Variants in UTP20 observed in about 807,000 individuals in gnomAD.
UTP20 encodes UTP20 small subunit processome component.
Under a neutral mutation model 329.5 loss-of-function variants are expected in UTP20, and 164 were observed. The observed-to-expected ratio is 0.50, with a 90% confidence interval of 0.44 to 0.57. The LOEUF (loss-of-function observed/expected upper bound fraction) is 0.57, where lower values mean the gene tolerates loss of function less well. UTP20 is among the 20% of genes least tolerant of loss of function. The probability of loss-of-function intolerance (pLI) is 0.00; values close to 1 mark genes in which losing one functional copy is unlikely to be tolerated. For synonymous variants in UTP20, 1,151 were observed against 1,159.3 expected (o/e 0.99, Z 0.14); for missense variants, 3,055 against 3,284.2 (o/e 0.93, Z 1.71).
intron 54 of UTP20, 21 bp from the exon 55 acceptor site, chr12:101,374,787 C>A (rs1404920023): frequency 1.1e-6 from 1 of 908,668 alleles, no homozygotes; most frequent in Non-Finnish European, 1.9e-6. Flanking sequence ...TTGACATTGT[C>A]TTGTGGTTTA....
chr12:101,308,491 T>C (rs1872696191), intron 18 of UTP20, 148 bp downstream of exon 18: 1 of 452,830 alleles, frequency 2.2e-6, no homozygotes, highest in Non-Finnish European at 3.0e-6. Flanking sequence ...TCTTAGATGC[T>C]TTGAGTTAAA....
intron 43 of UTP20, among the ~76,000 whole-genome samples, chr12:101,359,475 GTGTGTGTGTGTATGTA>G (rs1051716857): frequency 1.4e-5 from 2 of 140,610 alleles, no homozygotes; most frequent in African/African-American, 6.1e-5. Flanking sequence ...CTGTGTGTGT[GTGTGTGTGTGTATGTA>G]TGTGTGTGTG....
chr12:101,293,054 T>C (rs1168386343), intron 10 of UTP20, 114 bp from the exon 11 acceptor site: 3 of 1,035,360 alleles, frequency 2.9e-6, no homozygotes, highest in Non-Finnish European at 4.3e-6. Flanking sequence ...GCCGGGCAAC[T>C]GGACAGAGCA....
Position 101,363,743 on chromosome 12 carries a change from G to C in UTP20, c.5958G>C (p.Glu1986Asp), listed in dbSNP as rs1209694154. The change falls in exon 45 of 62, where the codon GAG becomes GAC. Residue 1986 changes from glutamate to aspartate, a missense_variant and splice_region_variant. By Grantham distance (45) the Glu-to-Asp change is conservative. This residue lies in a region of UTP20 where 2,445 missense variants were observed against 2,575.5 expected (regional missense o/e 0.95). Transcript: ENST00000261637. ...QVTKLILPLK[E>D]ILQNTTSLKL... is the part of the protein sequence containing the mutation. ...CAAAACTCATCCTTCCATTAAAAGA[G>C]GTAAGGACGTAAATGCAATTCTGGA... 2 of 1,587,956 alleles carry C rather than the reference G, an allele frequency of 1.3e-6. No homozygotes were observed. The highest frequency in any genetic ancestry group is 1.3e-5 in the African/African-American group (1 of 74,464).
chr12:101,300,656 G>A (rs1233745196), intron 14 of UTP20, among the ~76,000 whole-genome samples: 2 of 152,084 alleles, frequency 1.3e-5, no homozygotes, highest in East Asian at 1.9e-4. Context: ...GTCTGCAAAC[G>A]GCAATTCAAA....
chr12:101,354,883 G>T lies in UTP20; in HGVS notation c.5159G>T (p.Arg1720Leu), dbSNP rs756143997. 6.2e-7 allele frequency: 1 copy of T among 1,614,192 alleles called. No homozygotes were observed. The highest frequency in any genetic ancestry group is 8.5e-7 in the Non-Finnish European group (1 of 1,180,032). Reference sequence around the variant, plus strand: ...GAGCCTGAGGCCATGGAATTAGAGCGTGTGGATGAGGAAGAGAAGGAATAT... The same window carrying T: ...GAGCCTGAGGCCATGGAATTAGAGCTTGTGGATGAGGAAGAGAAGGAATAT... ...LPEPEAMELERVDEEEKEYTC... is the reference protein window; with the variant it reads ...LPEPEAMELELVDEEEKEYTC... Residue 1720 changes from arginine to leucine, a missense_variant, in exon 41 of 62, where the codon CGT becomes CTT. Around this residue, in one of 3 missense-constraint regions of UTP20, gnomAD observed 2,445 missense variants for 2,575.5 expected, o/e 0.95. Coordinates refer to ENST00000261637, the MANE Select transcript of UTP20 (RefSeq NM_014503.3).
In UTP20 at chr12:101,385,586, C is replaced by G; in HGVS notation, c.8060C>G (p.Pro2687Arg). Residue 2687 changes from proline to arginine, a missense_variant, in exon 61 of 62, where the codon CCT (proline) becomes CGT (arginine). Pro to Arg is a moderately radical substitution (Grantham distance 103, BLOSUM62 -2). Around this residue, in one of 3 missense-constraint regions of UTP20, gnomAD observed 337 missense variants for 345.5 expected, o/e 0.98. Coordinates refer to ENST00000261637, the MANE Select transcript of UTP20 (RefSeq NM_014503.3). ...ATTACTCTTTGTGTGTGATTAGATC[C>G]TTTGCTGAAGAATCTATCCCAGGAA... is the stretch of plus-strand genomic sequence containing the variant. ...ELNSTYSEQD[P>R]LLKNLSQEII... The G allele has an allele frequency of 6.2e-7, 1 of 1,609,946 alleles. No homozygotes were observed. The highest frequency in any genetic ancestry group is 8.5e-7 in the Non-Finnish European group (1 of 1,179,222).
chr12:101,353,013 A>C, intron 39 of UTP20, 34 bp from the exon 40 acceptor site: 5 of 1,354,868 alleles, frequency 3.7e-6, no homozygotes, highest in Non-Finnish European at 5.1e-6. Context: ...TTAATAATCA[A>C]ATGAACATTT....
In UTP20 at chr12:101,369,950, G is replaced by A. The variant is rs191837677; in HGVS notation, c.6555+59G>A. ...AGGATGGAGCTGGATGCAATAGCTC[G>A]TACCTATAATCCCAGCACTTTGGGA... On this transcript the variant is annotated intron_variant, in intron 49 of 61. Transcript: ENST00000261637. The A allele has an allele frequency of 1.3e-4, 192 of 1,530,080 alleles. No individual in the cohort carries two copies. The Middle Eastern group carries it at 3.1e-3, about 25-fold the overall frequency. 94.8% of individuals were successfully genotyped at this position (1,530,080 alleles called of 1,614,324 possible).
chr12:101,292,218 A>C (rs1357883422), intron 10 of UTP20, 114 bp downstream of exon 10: 3 of 1,210,312 alleles, frequency 2.5e-6, no homozygotes, highest in East Asian at 5.1e-5. Context: ...AGGAATTTAT[A>C]ATCTTGTTAA....
chr12:101,317,612 T>C lies in UTP20; in HGVS notation c.2687T>C (p.Val896Ala), dbSNP rs768892597. The change falls in exon 22 of 62, where the codon GTG (valine) becomes GCG (alanine). Residue 896 changes from valine (V) to alanine (A), a missense_variant. Coordinates refer to ENST00000261637, the MANE Select transcript of UTP20 (RefSeq NM_014503.3). ...GDDEELEEEA[V>A]PQDESSQKKK... ...GATGAAGAGTTGGAGGAAGAGGCAG[T>C]GCCCCAAGATGAATCCTCACAGAAG... 4 of 1,613,774 alleles carry C rather than the reference T, an allele frequency of 2.5e-6. No homozygotes were observed. In the African/African-American group the frequency reaches 4.0e-5, roughly 16 times the overall value.
intron 5 of UTP20, among the ~76,000 whole-genome samples, chr12:101,287,533 C>T (rs1871999498): frequency 6.6e-6 from 1 of 152,216 alleles, no homozygotes; most frequent in South Asian, 2.1e-4. Flanking sequence ...CTGAACTCAA[C>T]ACTTTCCTGT....
intron 37 of UTP20, 120 bp downstream of exon 37, chr12:101,345,814 G>T: frequency 3.4e-6 from 3 of 888,970 alleles, no homozygotes; most frequent in South Asian, 5.0e-5. Flanking sequence ...CTCTTTCCTT[G>T]GTCTTTATGA....
chr12:101,326,994 A>G, intron 25 of UTP20, 87 bp from the exon 26 acceptor site: 2 of 1,293,032 alleles, frequency 1.5e-6, no homozygotes, highest in South Asian at 3.0e-5. Flanking sequence ...AAATCTATTG[A>G]GTTGCTCTTC....
At chr12:101,374,624 A>T (rs966714034) in intron 54 of UTP20, among the ~76,000 whole-genome samples, 184 bp from the exon 55 acceptor site, 2 of 152,236 alleles carry the variant, frequency 1.3e-5, no homozygotes, top group Non-Finnish European at 2.9e-5. Flanking sequence ...TCTTGAGTGT[A>T]AAAATTTCCC....
At chr12:101,311,079 A>G (rs1872775107) in intron 19 of UTP20, among the ~76,000 whole-genome samples, 2 of 152,352 alleles carry the variant, frequency 1.3e-5, no homozygotes, top group South Asian at 4.1e-4. Flanking sequence ...TTGGAAGGAT[A>G]GAAACAACAA....
At chr12:101,323,227 T>C (rs1868431014) in intron 25 of UTP20, among the ~76,000 whole-genome samples, 1 of 152,262 alleles carries the variant, frequency 6.6e-6, no homozygotes, top group South Asian at 2.1e-4. Flanking sequence ...TTGAGCATTT[T>C]GCCTGTCTGT....
chr12:101,310,958 T>C lies in UTP20; in HGVS notation c.2232-761T>C, dbSNP rs370317258. On this transcript the variant is annotated intron_variant, in intron 19 of 61. Transcript: ENST00000261637. ...CACTTTCAGAAGAGAGAATTTGACA[T>C]ACATATTACCAGTAGCACACTATCA... Among the ~76,000 whole-genome samples, 3 of 152,232 alleles carry C rather than the reference T, an allele frequency of 2.0e-5. No homozygotes were observed. The East Asian group carries it at 5.8e-4, about 29-fold the overall frequency.
At position 101,338,169 on chromosome 12, in the gene UTP20, G is replaced by C. The variant is rs967879803; in HGVS notation, c.3760G>C (p.Asp1254His). ...TGATGCCACAGCCAGTATTGTAATG[G>C]ACATAGTTGATGACCTTCTTAACCT... Reference protein sequence around the residue: ...LSDATASIVMDIVDDLLNLPD... With the variant: ...LSDATASIVMHIVDDLLNLPD... Residue 1254 changes from aspartate to histidine, a missense_variant, in exon 30 of 62, where the codon GAC becomes CAC. Coordinates refer to ENST00000261637, the MANE Select transcript of UTP20 (RefSeq NM_014503.3). 18 of 1,614,004 alleles carry C rather than the reference G, an allele frequency of 1.1e-5. No individual in the cohort carries two copies. The highest frequency in any genetic ancestry group is 1.5e-5 in the Non-Finnish European group (18 of 1,180,022).
Sources: gnomAD v4.1 joint callset for allele counts (sites outside exome capture counted in the v4.1 genomes callset) on GRCh38, gnomAD v4.1.1 for gene constraint, gnomAD v4.1.1 regional missense constraint, MANE v1.5 for transcripts, NCBI Gene and HGNC (gene_info 2026-07-23, HGNC 2026-07-21) for gene names.